The following SCARA5 variants were observed in gnomAD, a reference collection of about 807,000 sequenced individuals.
SCARA5 encodes scavenger receptor class A member 5.
SCARA5 carries 45 observed loss-of-function variants against 46.3 expected under a neutral mutation model. The ratio of observed to expected loss-of-function variants is 0.97; its 90% CI spans 0.76 to 1.24. The LOEUF (loss-of-function observed/expected upper bound fraction) is 1.24. Ranked by LOEUF, SCARA5 falls within the 50% of genes most tolerant of loss-of-function variation. The pLI, the probability that SCARA5 is intolerant of heterozygous loss-of-function variation, is 0.00. For synonymous variants in SCARA5, 333 were observed against 306.5 expected (o/e 1.09, Z -0.90); for missense variants, 680 against 689.0 (o/e 0.99, Z 0.15).
chr8:27,927,106 A>G (rs2129830480), intron 3 of SCARA5, among the ~76,000 whole-genome samples: 1 of 152,278 alleles, frequency 6.6e-6, no homozygotes, highest in East Asian at 1.9e-4. Context: ...CCTGAAGTGG[A>G]CAATTTTCTT....
intron 4 of SCARA5, among the ~76,000 whole-genome samples, chr8:27,915,059 C>G (rs928325979): frequency 3.3e-5 from 5 of 152,222 alleles, no homozygotes; most frequent in African/African-American, 1.2e-4. Context: ...AAAACCACCC[C>G]CAGAACCATG....
At chr8:27,900,692 C>T (rs1228136581) in intron 7 of SCARA5, among the ~76,000 whole-genome samples, 2 of 151,930 alleles carry the variant, frequency 1.3e-5, no homozygotes, top group Non-Finnish European at 2.9e-5. Flanking sequence ...TTCACCCACC[C>T]CTTAGTTGCA....
At chr8:27,980,719 C>T (rs1808601754) in intron 2 of SCARA5, among the ~76,000 whole-genome samples, 1 of 152,186 alleles carries the variant, frequency 6.6e-6, no homozygotes, top group South Asian at 2.1e-4. Context: ...AGCAAAGTGC[C>T]TCCAATTAGG....
chr8:27,991,840 G>GACATGCACACACACAC (rs1227270330), intron 1 of SCARA5, among the ~76,000 whole-genome samples: 4 of 149,708 alleles, frequency 2.7e-5, no homozygotes, highest in African/African-American at 7.5e-5. Flanking sequence ...CACACGCACA[G>GACATGCACACACACAC]ACATGCACAC....
intron 3 of SCARA5, among the ~76,000 whole-genome samples, chr8:27,952,290 C>T (rs979487986): frequency 2.6e-5 from 4 of 152,106 alleles, no homozygotes; most frequent in Non-Finnish European, 4.4e-5. Context: ...TTCCATCCTC[C>T]GAGCTGTGAG....
intron 2 of SCARA5, among the ~76,000 whole-genome samples, chr8:27,986,844 G>C (rs1808712579): frequency 6.6e-6 from 1 of 152,214 alleles, no homozygotes; most frequent in Admixed American, 6.5e-5. Context: ...TGGGGGCAAT[G>C]CTCTCCTCTC....
intron 7 of SCARA5, among the ~76,000 whole-genome samples, chr8:27,894,994 AG>A (rs1807041080): frequency 6.6e-6 from 1 of 152,158 alleles, no homozygotes; most frequent in Admixed American, 6.5e-5. Flanking sequence ...GTGCACCAGA[AG>A]GGACCTAAAG....
chr8:27,929,293 T>C (rs569191788), intron 3 of SCARA5, among the ~76,000 whole-genome samples: 84 of 151,692 alleles, frequency 5.5e-4, no homozygotes, highest in African/African-American at 1.9e-3. Context: ...TTGTCCTTTA[T>C]GTCCATGAAA....
intron 3 of SCARA5, among the ~76,000 whole-genome samples, chr8:27,925,566 A>G (rs1807667551): frequency 6.6e-6 from 1 of 152,214 alleles, no homozygotes; most frequent in African/African-American, 2.4e-5. Context: ...CATTCAGGAC[A>G]TAGGCATGGG....
At chr8:27,991,860 TGC>T (rs1491206215) in intron 1 of SCARA5, among the ~76,000 whole-genome samples, 21 of 150,830 alleles carry the variant, frequency 1.4e-4, no homozygotes, top group African/African-American at 5.1e-4. Context: ...CACACACACA[TGC>T]ACACACACAC....
At chr8:27,991,542 G>C (rs910338973) in intron 1 of SCARA5, among the ~76,000 whole-genome samples, 6 of 152,168 alleles carry the variant, frequency 3.9e-5, no homozygotes, top group Non-Finnish European at 8.8e-5. Flanking sequence ...CTCTGAGTGG[G>C]TAGCACGAGC....
At chr8:27,977,757 G>A (rs62496818) in intron 2 of SCARA5, among the ~76,000 whole-genome samples, 16,761 of 152,194 alleles carry the variant, frequency 0.11, 1,009 homozygotes, top group Middle Eastern at 0.16. Context: ...CCTGATCCCC[G>A]GGTATCACTC....
intron 4 of SCARA5, among the ~76,000 whole-genome samples, chr8:27,914,117 T>C (rs903423338): frequency 3.3e-5 from 5 of 152,188 alleles, no homozygotes; most frequent in Non-Finnish European, 7.3e-5. Context: ...ATAAGTCTCA[T>C]GAGGTCTGAT....
chr8:27,958,729 C>G (rs1019045167), intron 3 of SCARA5, among the ~76,000 whole-genome samples: 23 of 152,218 alleles, frequency 1.5e-4, no homozygotes, highest in African/African-American at 5.3e-4. Context: ...TAACTGGGAT[C>G]GCTGACAAGA....
In SCARA5 at chr8:27,921,632, C is replaced by T. The variant is rs550275225; in HGVS notation, c.855G>A (p.Glu285=). Residue 285 remains glutamate (E), a synonymous_variant, in exon 4 of 9, where the codon GAG becomes GAA. Transcript: ENST00000354914. Reference sequence around the variant, plus strand: ...GCTCCCAGTCCTTGAGGCGCAGGTCCTCGGTGACCGCGTTGAGCATGGCCA... The same window carrying T: ...GCTCCCAGTCCTTGAGGCGCAGGTCTTCGGTGACCGCGTTGAGCATGGCCA... ...QELAMLNAVT[E]DLRLKDWEHS... 1.4e-5 allele frequency: 22 copies of T among 1,602,194 alleles called. No individual in the cohort carries two copies. In the African/African-American group the frequency reaches 2.8e-4, roughly 21 times the overall value.
chr8:27,949,003 T>G (rs1044457869), intron 3 of SCARA5, among the ~76,000 whole-genome samples: 1 of 152,166 alleles, frequency 6.6e-6, no homozygotes, highest in Non-Finnish European at 1.5e-5. Flanking sequence ...GAGCCCACAA[T>G]TGGCTTGGTG....
chr8:27,876,918 T>A (rs1806733871), intron 8 of SCARA5, among the ~76,000 whole-genome samples: 2 of 151,916 alleles, frequency 1.3e-5, no homozygotes, highest in Admixed American at 1.3e-4. Flanking sequence ...CACCAGTGGG[T>A]AGGATGCTGG....
rs375931706 is a variant in SCARA5, at chr8:27,921,890, C to T, written c.597G>A (p.Leu199=). Residue 199 remains leucine, a synonymous_variant, in exon 4 of 9, where the codon CTG becomes CTA. Transcript: ENST00000354914. ...QVESNSSQLL[L]RRHAGLLDGL... is the part of the protein sequence containing the mutation. ...CGTCCAGCAGGCCCGCGTGGCGCCT[C>T]AGCAGCAGCTGGCTACTGTTGCTCT... is the stretch of plus-strand genomic sequence containing the variant. The T allele has an allele frequency of 6.0e-6, 9 of 1,501,468 alleles. No homozygotes were observed. The highest frequency in any genetic ancestry group is 7.9e-6 in the Non-Finnish European group (9 of 1,133,110). 93.0% of individuals were successfully genotyped at this position (1,501,468 alleles called of 1,614,324 possible). A position where few individuals can be genotyped will look rare whatever the true frequency, so the allele number is the denominator to read the frequency against.
At chr8:27,969,452 A>AAAACTATGG (rs1808415781) in intron 2 of SCARA5, among the ~76,000 whole-genome samples, 1 of 152,260 alleles carries the variant, frequency 6.6e-6, no homozygotes, top group African/African-American at 2.4e-5. Flanking sequence ...TGGGAAAAAC[A>AAAACTATGG]AAACTATGGA....
Sources: allele counts gnomAD v4.1 joint callset (sites outside exome capture counted in the v4.1 genomes callset), GRCh38; gene constraint gnomAD v4.1.1; transcripts MANE v1.5; gene names NCBI Gene and HGNC (gene_info 2026-07-23, HGNC 2026-07-21).